The following NLRP14 variants were observed in gnomAD, a reference collection of about 807,000 sequenced individuals.
The protein encoded by NLRP14 is NLR family pyrin domain containing 14, also known as NACHT, LRR and PYD domains-containing protein 14.
NLRP14 carries 105 observed loss-of-function variants against 94.7 expected under a neutral mutation model. The ratio of observed to expected loss-of-function variants is 1.11; its 90% CI spans 0.95 to 1.30. NLRP14 has a LOEUF of 1.30. NLRP14 is among the 50% of genes most tolerant of loss of function. The pLI is 0.00. For synonymous variants in NLRP14, 508 were observed against 459.9 expected (o/e 1.10, Z -1.34); for missense variants, 1,362 against 1,254.1 (o/e 1.09, Z -1.30).
the NLRP14 span, among the ~76,000 whole-genome samples, chr11:7,088,068 T>C: frequency 6.6e-6 from 1 of 152,096 alleles, no homozygotes. Flanking sequence ...GGCAATTCTA[T>C]CAAATAAAAA....
At chr11:7,025,198 G>A (rs1221736461) in intron 1 of NLRP14, among the ~76,000 whole-genome samples, 1 of 152,082 alleles carries the variant, frequency 6.6e-6, no homozygotes, top group Admixed American at 6.6e-5. Flanking sequence ...GGTAAAAAGG[G>A]TAAGTTATCT....
In NLRP14 at chr11:7,039,382, A is replaced by G. The variant is rs565913718; in HGVS notation, c.290-332A>G. Among the ~76,000 whole-genome samples the G allele has an allele frequency of 2.4e-3, 361 of 151,938 alleles. 1 individual carries two copies. The highest frequency in any genetic ancestry group is 8.4e-3 in the African/African-American group (348 of 41,458). The stretch of plus-strand genomic sequence containing the variant: ...TTATATATATATATGTATATATATA[A>G]TATTCATATCTATTATCTCCTTTGC... On this transcript the variant is annotated intron_variant, in intron 2 of 11. Coordinates refer to ENST00000299481, the MANE Select transcript of NLRP14 (RefSeq NM_176822.4).
chr11:7,055,615 A>G (rs1481212717), intron 6 of NLRP14, among the ~76,000 whole-genome samples: 2 of 152,006 alleles, frequency 1.3e-5, no homozygotes, highest in Non-Finnish European at 2.9e-5. Context: ...GCAGGACAGG[A>G]GAACTTACTC....
At chr11:7,080,450 C>A in the NLRP14 span, among the ~76,000 whole-genome samples, 1 of 152,192 alleles carries the variant, frequency 6.6e-6, no homozygotes. Context: ...TACATTTTGT[C>A]GTGACCAATG....
intron 10 of NLRP14, among the ~76,000 whole-genome samples, chr11:7,065,170 A>G (rs551244736): frequency 1.3e-5 from 2 of 152,156 alleles, no homozygotes; most frequent in African/African-American, 4.8e-5. Flanking sequence ...ATCGAATTGC[A>G]TTAAATCTAT....
rs140537839 is a variant in NLRP14, at chr11:7,043,320, G to T, written c.1294G>T (p.Ala432Ser). The T allele has an allele frequency of 1.4e-3, 2,202 of 1,614,174 alleles. 19 individuals carry two copies. The African/African-American group carries it at 0.026, about 19-fold the overall frequency. Residue 432 changes from alanine (A) to serine (S), a missense_variant, in exon 4 of 12, where the codon GCC (alanine) becomes TCC (serine). Transcript: ENST00000299481. ...GCTGAGAAGACTGTGCCAAGTCGCT[G>T]CCAAAGGAATATGGACTATGACTTA... ...AQLRRLCQVA[A>S]KGIWTMTYVF...
chr11:7,032,393 A>G (rs1852111152), intron 1 of NLRP14, among the ~76,000 whole-genome samples: 1 of 152,146 alleles, frequency 6.6e-6, no homozygotes, highest in Non-Finnish European at 1.5e-5. Context: ...ATTATTTACT[A>G]TTCTAAACAA....
intron 3 of NLRP14, 111 bp downstream of exon 3, chr11:7,039,896 C>T: frequency 1.2e-6 from 1 of 858,986 alleles, no homozygotes; most frequent in Non-Finnish European, 2.0e-6. Flanking sequence ...TCTTCTAATA[C>T]CCCACCTGTT....
intron 1 of NLRP14, among the ~76,000 whole-genome samples, chr11:7,027,905 G>A (rs1852036875): frequency 6.6e-6 from 1 of 152,080 alleles, no homozygotes; most frequent in Non-Finnish European, 1.5e-5. Flanking sequence ...GTTTTAGACA[G>A]CACGCTCTTC....
downstream of NLRP14, among the ~76,000 whole-genome samples, chr11:7,073,070 C>G (rs1427641137): frequency 6.6e-6 from 1 of 152,136 alleles, no homozygotes; most frequent in Non-Finnish European, 1.5e-5. Flanking sequence ...TGCTTGTAGT[C>G]TTAGGGCCTC....
the NLRP14 span, among the ~76,000 whole-genome samples, chr11:7,077,546 T>C: frequency 6.6e-6 from 1 of 152,226 alleles, no homozygotes; most frequent in African/African-American, 2.4e-5. Context: ...GAGGGTGTAT[T>C]AGTCCGTTTT....
the NLRP14 span, chr11:7,089,311 C>T: frequency 2.5e-6 from 4 of 1,606,350 alleles, no homozygotes; most frequent in South Asian, 1.1e-5. Context: ...GACGCCAAGG[C>T]CGCCGCCAGA....
the NLRP14 span, chr11:7,090,722 G>A: frequency 2.2e-5 from 6 of 276,790 alleles, no homozygotes; most frequent in African/African-American, 1.1e-4. Flanking sequence ...AGAGTGGGAG[G>A]GATTGGTGTA....
the NLRP14 span, among the ~76,000 whole-genome samples, chr11:7,078,986 G>T: frequency 6.6e-6 from 1 of 152,166 alleles, no homozygotes; most frequent in African/African-American, 2.4e-5. Flanking sequence ...TCGTTCTGCT[G>T]CAGGGAAGTT....
Position 7,043,062 on chromosome 11 carries a change from A to C in NLRP14, c.1036A>C (p.Lys346Gln). ...EEYIYQFFEDKRWAMKVFSSL... is the reference protein window; with the variant it reads ...EEYIYQFFEDQRWAMKVFSSL... ...GTATATTTACCAGTTTTTTGAAGAT[A>C]AGAGGTGGGCCATGAAAGTATTCAG... is the stretch of plus-strand genomic sequence containing the variant. The change falls in exon 4 of 12, where the codon AAG (lysine) becomes CAG (glutamine). Residue 346 changes from lysine (K) to glutamine (Q), a missense_variant. Physicochemically the swap from Lys to Gln is moderately conservative, Grantham distance 53. Transcript: ENST00000299481. The C allele has an allele frequency of 6.2e-7, 1 of 1,614,138 alleles. No homozygotes were observed. Among genetic ancestry groups the C allele is most frequent in the Non-Finnish European group, 8.5e-7 (1 of 1,180,002 alleles).
chr11:7,037,539 A>G (rs780896926), intron 1 of NLRP14, among the ~76,000 whole-genome samples: 13 of 152,204 alleles, frequency 8.5e-5, no homozygotes, highest in Non-Finnish European at 1.9e-4. Flanking sequence ...TCTTCAGGCA[A>G]TTCACCAAAA....
rs532419815 is a variant in NLRP14, at chr11:7,020,962, A to G, written c.-22+192A>G. The stretch of plus-strand genomic sequence containing the variant: ...AGCCCCTCCTCAGTGTCCTGGGACC[A>G]CAGAGAGTTGCAAGAGCCTGTTCTA... On this transcript the variant is annotated intron_variant, in intron 1 of 11. Coordinates refer to ENST00000299481, the MANE Select transcript of NLRP14 (RefSeq NM_176822.4). Among the ~76,000 whole-genome samples, 42 of 152,368 alleles carry G rather than the reference A, an allele frequency of 2.8e-4. No individual in the cohort carries two copies. In the South Asian group the frequency reaches 8.5e-3, roughly 31 times the overall value.
chr11:7,050,119 A>C (rs909287278), intron 6 of NLRP14, among the ~76,000 whole-genome samples: 1 of 152,236 alleles, frequency 6.6e-6, no homozygotes, highest in Non-Finnish European at 1.5e-5. Flanking sequence ...AATTATAAAT[A>C]TTTAACACTT....
intron 1 of NLRP14, among the ~76,000 whole-genome samples, chr11:7,022,311 C>T (rs1239117934): frequency 6.6e-6 from 1 of 152,108 alleles, no homozygotes; most frequent in Non-Finnish European, 1.5e-5. Flanking sequence ...TAGAGATGTA[C>T]CCAGGGTAGG....
Sources: gnomAD v4.1 joint callset for allele counts (sites outside exome capture counted in the v4.1 genomes callset) on GRCh38, gnomAD v4.1.1 for gene constraint, MANE v1.5 for transcripts, NCBI Gene and HGNC (gene_info 2026-07-23, HGNC 2026-07-21) for gene names.